FAM131C: variants seen among roughly 807,000 people sequenced by gnomAD.
FAM131C encodes the protein family with sequence similarity 131 member C.
FAM131C carries 14 observed loss-of-function variants against 29.8 expected under a neutral mutation model. The observed-to-expected ratio is 0.47, with a 90% CI of 0.31 to 0.73. FAM131C has a LOEUF of 0.73. Among genes scored for constraint, FAM131C ranks in the 30% least tolerant of loss-of-function variants. The pLI is 0.05. For synonymous variants in FAM131C, 86 were observed against 157.8 expected (o/e 0.54, Z 3.41); for missense variants, 252 against 383.8 (o/e 0.66, Z 2.87).
chr1:16,066,488 C>G (rs980126182), intron 1 of FAM131C, among the ~76,000 whole-genome samples: 2 of 152,246 alleles, frequency 1.3e-5, no homozygotes, highest in Non-Finnish European at 2.9e-5. Context: ...AGTCCTGCCC[C>G]TCTCTGGGCT....
chr1:16,059,783 C>T, intron 5 of FAM131C, 86 bp downstream of exon 5: 1 of 1,324,552 alleles, frequency 7.5e-7, no homozygotes. Flanking sequence ...TTTTTCCTGC[C>T]CAGACAATGC....
chr1:16,070,051 T>C (rs76928545), intron 1 of FAM131C, among the ~76,000 whole-genome samples: 3,458 of 152,240 alleles, frequency 0.023, 125 homozygotes, highest in African/African-American at 0.078. Context: ...GCGTGAGCCA[T>C]AGCACCTCTC....
chr1:16,066,333 C>T (rs1268814789), intron 1 of FAM131C, among the ~76,000 whole-genome samples: 2 of 152,210 alleles, frequency 1.3e-5, no homozygotes, highest in Admixed American at 1.3e-4. Context: ...TTATTGACCA[C>T]CCCACCCATG....
chr1:16,062,099 C>T lies in FAM131C; in HGVS notation c.268G>A (p.Gly90Arg), dbSNP rs750000941. 6.2e-7 allele frequency: 1 copy of T among 1,611,310 alleles called. No individual in the cohort carries two copies. Among genetic ancestry groups the T allele is most frequent in the African/African-American group, 1.3e-5 (1 of 74,890 alleles). ...CAGGAGAGTTGCGGCCAGAACCTACCCACAAGGGACGAGGTGGCCAGGGCT... is the reference window on the plus strand; with the variant it reads ...CAGGAGAGTTGCGGCCAGAACCTACTCACAAGGGACGAGGTGGCCAGGGCT... Reference protein sequence around the residue: ...VAALATSSLVGVVQSIKDHIT... With the variant: ...VAALATSSLVRVVQSIKDHIT... Residue 90 changes from glycine to arginine, a missense_variant and splice_region_variant, in exon 4 of 7, where the codon GGG (glycine) becomes AGG (arginine). Physicochemically the swap from Gly to Arg is moderately radical, Grantham distance 125 (BLOSUM62 -2). Around this residue, in one of 6 missense-constraint regions of FAM131C, gnomAD observed 52 missense variants for 105.9 expected, o/e 0.49. Coordinates refer to ENST00000375662, the MANE Select transcript of FAM131C (RefSeq NM_182623.3).
chr1:16,061,034 A>C (rs1378898988), intron 4 of FAM131C, among the ~76,000 whole-genome samples: 1 of 152,152 alleles, frequency 6.6e-6, no homozygotes, highest in Non-Finnish European at 1.5e-5. Context: ...CAGCATCACC[A>C]TTAACCAAGG....
intron 1 of FAM131C, among the ~76,000 whole-genome samples, chr1:16,073,045 G>A (rs1451147567): frequency 6.6e-6 from 1 of 152,108 alleles, no homozygotes; most frequent in Non-Finnish European, 1.5e-5. Flanking sequence ...GGTGGGAAAG[G>A]GAGGGTCTGC....
At chr1:16,060,833 G>T (rs1390766501) in intron 4 of FAM131C, among the ~76,000 whole-genome samples, 1 of 152,172 alleles carries the variant, frequency 6.6e-6, no homozygotes, top group Non-Finnish European at 1.5e-5. Context: ...GCCCCAGCAG[G>T]GTAATGAGCA....
chr1:16,070,057 C>A (rs978575563), intron 1 of FAM131C, among the ~76,000 whole-genome samples: 24 of 152,156 alleles, frequency 1.6e-4, no homozygotes, highest in Non-Finnish European at 5.9e-5. Flanking sequence ...GCCATAGCAC[C>A]TCTCTCTCTA....
intron 2 of FAM131C, among the ~76,000 whole-genome samples, chr1:16,063,308 G>T (rs779032675): frequency 1.4e-5 from 2 of 141,990 alleles, no homozygotes; most frequent in Non-Finnish European, 3.1e-5. Flanking sequence ...AGGGTGGTTG[G>T]TCTTCTAAAC....
intron 4 of FAM131C, 128 bp downstream of exon 4, chr1:16,061,971 T>C: frequency 1.1e-6 from 1 of 871,578 alleles, no homozygotes. Context: ...CTCTGGCATT[T>C]AGAACATGGA....
chr1:16,063,482 G>C (rs376688215), intron 2 of FAM131C, 39 bp downstream of exon 2: 3 of 1,496,660 alleles, frequency 2.0e-6, no homozygotes, highest in Non-Finnish European at 9.3e-7. Context: ...GCCGGGAACC[G>C]GGGCGCAGGT....
rs77677804 is a variant in FAM131C at position 16,067,827 on chromosome 1, G to A, written c.23-4191C>T. ...CAGCACAACCCCTCAGGCTCCTCTC[G>A]TCTGCTTCAGGGCCTTCCAACTCCT... On this transcript the variant is annotated intron_variant, in intron 1 of 6. Coordinates refer to ENST00000375662, the MANE Select transcript of FAM131C (RefSeq NM_182623.3). Among the ~76,000 whole-genome samples, 394 of 152,108 alleles carry A rather than the reference G, an allele frequency of 2.6e-3. 1 individual carries two copies. Among genetic ancestry groups the A allele is most frequent in the African/African-American group, 8.8e-3 (367 of 41,484 alleles).
At chr1:16,067,080 A>C (rs1052891574) in intron 1 of FAM131C, among the ~76,000 whole-genome samples, 1 of 152,200 alleles carries the variant, frequency 6.6e-6, no homozygotes, top group African/African-American at 2.4e-5. Context: ...GCATGACTTG[A>C]ACAAGGTCAT....
chr1:16,072,130 G>T (rs2023758143), intron 1 of FAM131C, among the ~76,000 whole-genome samples: 1 of 152,172 alleles, frequency 6.6e-6, no homozygotes, highest in African/African-American at 2.4e-5. Flanking sequence ...GCTGCTGGAT[G>T]CCCAGCATGC....
intron 2 of FAM131C, among the ~76,000 whole-genome samples, chr1:16,062,985 G>A (rs1338238000): frequency 2.6e-5 from 4 of 152,156 alleles, no homozygotes; most frequent in Admixed American, 6.5e-5. Flanking sequence ...ATATCATCCA[G>A]TGGGTTCATG....
At chr1:16,065,271 A>C (rs1570356713) in intron 1 of FAM131C, among the ~76,000 whole-genome samples, 1 of 147,108 alleles carries the variant, frequency 6.8e-6, no homozygotes, top group East Asian at 2.0e-4. Context: ...GCCTTCCCCC[A>C]CTCTCCCCGG....
chr1:16,071,003 G>T (rs2023742393), intron 1 of FAM131C, among the ~76,000 whole-genome samples: 1 of 152,268 alleles, frequency 6.6e-6, no homozygotes, highest in South Asian at 2.1e-4. Context: ...CCCCAGCTGG[G>T]TGCAAGCTCT....
chr1:16,059,978 G>A lies in FAM131C; in HGVS notation c.342C>T (p.Ile114=), dbSNP rs1219877493. The A allele has an allele frequency of 8.3e-6, 13 of 1,568,472 alleles. No homozygotes were observed. Among genetic ancestry groups the A allele is most frequent in the Admixed American group, 1.8e-5 (1 of 55,930 alleles). The part of the protein sequence containing the change: ...AMARGRVAHL[I]EWKGWSAQPA... ...GCTGGGCACTCCAGCCCTTCCACTC[G>A]ATGAGGTGGGCCACGCGGCCTCGGG... is the stretch of plus-strand genomic sequence containing the variant. The change falls in exon 5 of 7, where the codon ATC becomes ATT. Residue 114 remains isoleucine, a synonymous_variant. Coordinates refer to ENST00000375662, the MANE Select transcript of FAM131C (RefSeq NM_182623.3).
chr1:16,058,500 C>T lies in FAM131C; in HGVS notation c.780G>A (p.Pro260=), dbSNP rs777384624. 255 of 1,509,530 alleles carry T rather than the reference C, an allele frequency of 1.7e-4. No individual in the cohort carries two copies. The East Asian group carries it at 2.9e-3, about 17-fold the overall frequency. The allele number at this position is 1,509,530 out of a possible 1,614,324, so 93.5% of individuals were successfully genotyped here. A position where few individuals can be genotyped will look rare whatever the true frequency, so the allele number is the denominator to read the frequency against. ...AQGPEGGTHP[P]GSLPSMDSGS... ...CGCTGTCCATGGAGGGGAGGGAGCC[C>T]GGGGGGTGGGTCCCACCCTCGGGTC... Residue 260 remains proline, a synonymous_variant, in exon 7 of 7, where the codon CCG becomes CCA. Coordinates refer to ENST00000375662, the MANE Select transcript of FAM131C (RefSeq NM_182623.3).
Sources: gnomAD v4.1 joint callset for allele counts (sites outside exome capture counted in the v4.1 genomes callset) on GRCh38, gnomAD v4.1.1 for gene constraint, gnomAD v4.1.1 regional missense constraint, MANE v1.5 for transcripts, NCBI Gene and HGNC (gene_info 2026-07-23, HGNC 2026-07-21) for gene names.